The following SNX3 variants were observed in gnomAD, a reference collection of about 807,000 sequenced individuals.
The protein encoded by SNX3 is sorting nexin-3.
A neutral mutation model predicts 17.7 loss-of-function variants in SNX3; 5 were observed. The ratio of observed to expected loss-of-function variants is 0.28; its 90% CI spans 0.15 to 0.59. SNX3 has a LOEUF of 0.59. Ranked by LOEUF, SNX3 falls within the 20% of genes least tolerant of loss-of-function variation. The pLI is 0.88. For missense variants in SNX3, 132 were observed against 206.8 expected, an observed-to-expected ratio of 0.64 and a Z score of 2.22; for synonymous variants, 91 against 76.5, an observed-to-expected ratio of 1.19 and a Z score of -0.99.
intron 1 of SNX3, among the ~76,000 whole-genome samples, chr6:108,229,212 A>T (rs1443910553): frequency 6.7e-6 from 1 of 149,132 alleles, no homozygotes; most frequent in Non-Finnish European, 1.5e-5. Flanking sequence ...GTGAGGTGAG[A>T]TCATGCCACT....
chr6:108,217,730 G>C (rs1035676316), intron 2 of SNX3, among the ~76,000 whole-genome samples: 2 of 145,954 alleles, frequency 1.4e-5, no homozygotes, highest in Non-Finnish European at 3.0e-5. Context: ...CAGCCTGGGC[G>C]AGAGCTAGAC....
intron 1 of SNX3, among the ~76,000 whole-genome samples, chr6:108,253,312 G>A (rs1775923969): frequency 6.6e-6 from 1 of 151,880 alleles, no homozygotes; most frequent in Non-Finnish European, 1.5e-5. Context: ...GCTCACTTGA[G>A]CCCAGGAGTT....
At chr6:108,232,659 A>T (rs776626251) in intron 1 of SNX3, among the ~76,000 whole-genome samples, 19 of 152,248 alleles carry the variant, frequency 1.2e-4, no homozygotes, top group Non-Finnish European at 2.9e-5. Context: ...GACTGGCAAC[A>T]ACATCAAAAG....
intron 1 of SNX3, among the ~76,000 whole-genome samples, 163 bp from the exon 2 acceptor site, chr6:108,223,208 G>A (rs181685132): frequency 5.9e-5 from 9 of 152,054 alleles, no homozygotes; most frequent in African/African-American, 2.4e-5. Flanking sequence ...GCACGATCTC[G>A]GCTCACTGCA....
At chr6:108,256,119 A>G (rs1480798553) in intron 1 of SNX3, among the ~76,000 whole-genome samples, 1 of 152,090 alleles carries the variant, frequency 6.6e-6, no homozygotes, top group African/African-American at 2.4e-5. Context: ...GGTCCCAGCT[A>G]GTAGAGAGGC....
intron 1 of SNX3, among the ~76,000 whole-genome samples, chr6:108,231,611 G>A (rs1775161216): frequency 6.6e-6 from 1 of 152,204 alleles, no homozygotes; most frequent in South Asian, 2.1e-4. Flanking sequence ...CCATTACTGG[G>A]TCACTTGGTA....
At chr6:108,226,070 G>T (rs1774965991) in intron 1 of SNX3, among the ~76,000 whole-genome samples, 1 of 139,100 alleles carries the variant, frequency 7.2e-6, no homozygotes. Flanking sequence ...AAAAAAAAAA[G>T]GAGAAGAAAG....
At chr6:108,246,897 G>A (rs1041231039) in intron 1 of SNX3, among the ~76,000 whole-genome samples, 3 of 152,138 alleles carry the variant, frequency 2.0e-5, no homozygotes, top group Non-Finnish European at 2.9e-5. Flanking sequence ...AATCAGGAAA[G>A]ATCATCAGAG....
intron 1 of SNX3, among the ~76,000 whole-genome samples, chr6:108,231,573 A>G (rs1165140773): frequency 2.0e-5 from 3 of 152,156 alleles, no homozygotes; most frequent in Non-Finnish European, 2.9e-5. Flanking sequence ...GATGCTTTCC[A>G]TCGGAAGGCA....
intron 1 of SNX3, among the ~76,000 whole-genome samples, chr6:108,252,933 C>T (rs1395329333): frequency 3.3e-5 from 5 of 152,096 alleles, no homozygotes; most frequent in Non-Finnish European, 5.9e-5. Flanking sequence ...CCACCACACC[C>T]GGCCCTAAGA....
At chr6:108,251,941 T>C (rs1582510972) in intron 1 of SNX3, among the ~76,000 whole-genome samples, 1 of 151,934 alleles carries the variant, frequency 6.6e-6, no homozygotes, top group African/African-American at 2.4e-5. Context: ...GCACGACCTA[T>C]ATATTCCCAG....
At chr6:108,260,006 C>A (rs1236442148) in intron 1 of SNX3, among the ~76,000 whole-genome samples, 1 of 152,202 alleles carries the variant, frequency 6.6e-6, no homozygotes, top group Non-Finnish European at 1.5e-5. Flanking sequence ...TTATTGCCAA[C>A]AAATACTAGT....
chr6:108,245,236 T>C (rs1199935467), intron 1 of SNX3, among the ~76,000 whole-genome samples: 1 of 152,132 alleles, frequency 6.6e-6, no homozygotes, highest in Non-Finnish European at 1.5e-5. Flanking sequence ...CTGTGTTAGT[T>C]TGCTGAGGAT....
chr6:108,236,630 C>A (rs373026836), intron 1 of SNX3, among the ~76,000 whole-genome samples: 1 of 151,724 alleles, frequency 6.6e-6, no homozygotes, highest in Non-Finnish European at 1.5e-5. Flanking sequence ...CCTCGTGATC[C>A]GCCCGCCTCG....
chr6:108,260,693 C>T (rs906787393), intron 1 of SNX3, 67 bp downstream of exon 1: 40 of 1,578,928 alleles, frequency 2.5e-5, no homozygotes, highest in Non-Finnish European at 3.0e-5. Context: ...GGTCCACTCC[C>T]GGGTCGAGTG....
intron 1 of SNX3, among the ~76,000 whole-genome samples, chr6:108,254,784 G>A (rs1775982410): frequency 6.6e-6 from 1 of 152,136 alleles, no homozygotes; most frequent in Non-Finnish European, 1.5e-5. Context: ...TTTAAAAAGG[G>A]GACATTAAGG....
Position 108,240,786 on chromosome 6 carries a change from C to T in SNX3, c.163-17741G>A, listed in dbSNP as rs115337413. On this transcript the variant is annotated intron_variant, in intron 1 of 3. Transcript: ENST00000230085. ...GGCAAGCAATGAACCAGCAGACTTA[C>T]CAGAAGAATTACATAGCCATGGTGG... is the stretch of plus-strand genomic sequence containing the variant. Among the ~76,000 whole-genome samples the T allele has an allele frequency of 6.4e-3, 969 of 152,206 alleles. 5 individuals are homozygous for T. Among genetic ancestry groups the T allele is most frequent in the African/African-American group, 0.022 (931 of 41,510 alleles).
At chr6:108,245,686 T>C (rs993171383) in intron 1 of SNX3, among the ~76,000 whole-genome samples, 2 of 152,250 alleles carry the variant, frequency 1.3e-5, no homozygotes, top group Non-Finnish European at 2.9e-5. Flanking sequence ...TAGTTTTGAT[T>C]TGCATCTAAT....
intron 1 of SNX3, among the ~76,000 whole-genome samples, chr6:108,247,906 T>A (rs9486837): frequency 0.028 from 4,195 of 151,822 alleles, 198 homozygotes; most frequent in African/African-American, 0.092. Context: ...AAAACCAGCC[T>A]GGGCAACACA....
Sources: allele counts gnomAD v4.1 joint callset (sites outside exome capture counted in the v4.1 genomes callset), GRCh38; gene constraint gnomAD v4.1.1; transcripts MANE v1.5; gene names NCBI Gene and HGNC (gene_info 2026-07-23, HGNC 2026-07-21).